ZNF713: variants seen among roughly 807,000 people sequenced by gnomAD.
ZNF713 encodes zinc finger protein 713.
In ZNF713, 21 loss-of-function variants were observed where a neutral mutation model predicts 28.7. The ratio of observed to expected loss-of-function variants is 0.73; its 90% CI spans 0.52 to 1.05. The LOEUF is 1.05. Among genes scored for constraint, ZNF713 ranks in the 50% least tolerant of loss-of-function variants. ZNF713 has a pLI of 0.00. For missense variants in ZNF713, 458 were observed against 532.4 expected (o/e 0.86, Z 1.37); for synonymous variants, 167 against 178.0 (o/e 0.94, Z 0.49).
At chr7:55,900,453 G>A (rs1231832344) in intron 1 of ZNF713, among the ~76,000 whole-genome samples, 1 of 149,950 alleles carries the variant, frequency 6.7e-6, no homozygotes, top group Non-Finnish European at 1.5e-5. Context: ...GGGCAACAGA[G>A]CGAGACTCCA....
chr7:55,889,381 G>A (rs752419923), intron 1 of ZNF713, among the ~76,000 whole-genome samples: 2 of 152,124 alleles, frequency 1.3e-5, no homozygotes, highest in Admixed American at 1.3e-4. Context: ...GATTACAGGC[G>A]TGAGCCACTG....
intron 4 of ZNF713, among the ~76,000 whole-genome samples, chr7:55,921,881 G>A (rs764431913): frequency 3.3e-5 from 5 of 152,152 alleles, no homozygotes; most frequent in Admixed American, 6.5e-5. Context: ...GAACTCTTCC[G>A]TAAAATGAAG....
chr7:55,896,543 T>C (rs549296312), intron 1 of ZNF713, among the ~76,000 whole-genome samples: 4 of 151,998 alleles, frequency 2.6e-5, no homozygotes, highest in African/African-American at 9.6e-5. Context: ...TGGTATTAGA[T>C]TGGAATCAGA....
chr7:55,918,916 C>T (rs928501303), intron 4 of ZNF713, among the ~76,000 whole-genome samples: 4 of 152,034 alleles, frequency 2.6e-5, no homozygotes, highest in Non-Finnish European at 5.9e-5. Flanking sequence ...ATCGCCTGAA[C>T]CCGGGAGGCG....
At chr7:55,913,887 A>T (rs949129216) in intron 4 of ZNF713, among the ~76,000 whole-genome samples, 14 of 152,114 alleles carry the variant, frequency 9.2e-5, no homozygotes, top group African/African-American at 2.9e-4. Context: ...TGAGGTGGGC[A>T]GATCACAAGG....
intron 1 of ZNF713, among the ~76,000 whole-genome samples, chr7:55,902,356 A>C (rs1347613982): frequency 6.6e-6 from 1 of 152,268 alleles, no homozygotes; most frequent in African/African-American, 2.4e-5. Flanking sequence ...ATTGGTAAGT[A>C]TACAAGAGCA....
chr7:55,901,855 A>G (rs568820968), intron 1 of ZNF713, among the ~76,000 whole-genome samples: 12 of 152,382 alleles, frequency 7.9e-5, no homozygotes, highest in African/African-American at 2.9e-4. Context: ...ATCACTTACT[A>G]ACATGACATG....
At chr7:55,913,311 C>T (rs1785821868) in intron 4 of ZNF713, among the ~76,000 whole-genome samples, 1 of 148,392 alleles carries the variant, frequency 6.7e-6, no homozygotes, top group Admixed American at 6.8e-5. Flanking sequence ...AAGTGATTCT[C>T]CTGCCTCAGC....
intron 1 of ZNF713, among the ~76,000 whole-genome samples, chr7:55,904,024 T>C (rs993168779): frequency 6.6e-6 from 1 of 150,766 alleles, no homozygotes; most frequent in Non-Finnish European, 1.5e-5. Context: ...GGAAAAAGAG[T>C]AGATCTTGGG....
chr7:55,939,758 A>G lies in ZNF713; in HGVS notation c.1084A>G (p.Arg362Gly), dbSNP rs1260517038. 6.2e-7 allele frequency: 1 copy of G among 1,614,114 alleles called. No individual in the cohort carries two copies. Among genetic ancestry groups the G allele is most frequent in the Non-Finnish European group, 8.5e-7 (1 of 1,180,044 alleles). Residue 362 changes from arginine to glycine, a missense_variant, in exon 7 of 7, where the codon AGA (arginine) becomes GGA (glycine). Physicochemically the swap from Arg to Gly is moderately radical, Grantham distance 125. Coordinates refer to ENST00000429591, the MANE Select transcript of ZNF713 (RefSeq NM_182633.3). ...SRITSLTEHHRLHTGEKPYEC... is the reference protein window; with the variant it reads ...SRITSLTEHHGLHTGEKPYEC... ...CATCACATCCCTTACTGAACATCAT[A>G]GACTTCATACCGGAGAGAAACCTTA...
intron 4 of ZNF713, among the ~76,000 whole-genome samples, chr7:55,920,172 C>G (rs1448391351): frequency 1.3e-5 from 2 of 152,112 alleles, no homozygotes; most frequent in Non-Finnish European, 2.9e-5. Context: ...TTTTGCCACT[C>G]ATGGATGAGC....
intron 4 of ZNF713, among the ~76,000 whole-genome samples, chr7:55,914,243 T>C (rs1785839271): frequency 6.6e-6 from 1 of 152,234 alleles, no homozygotes; most frequent in Admixed American, 6.5e-5. Flanking sequence ...TCTTTTTTGC[T>C]TAACACATCA....
chr7:55,901,264 G>C (rs984122718), intron 1 of ZNF713, among the ~76,000 whole-genome samples: 1 of 152,148 alleles, frequency 6.6e-6, no homozygotes, highest in African/African-American at 2.4e-5. Flanking sequence ...GAGAGAGAGA[G>C]AGAGAGCTTA....
rs1449553026 is a variant in ZNF713, at chr7:55,939,639, C to G, written c.965C>G (p.Ala322Gly). ...TTTATATGCAATGGATGTGGGAAAG[C>G]CTTCCGTCAGCATTCATCCTTTACT... Reference protein sequence around the residue: ...KPFICNGCGKAFRQHSSFTQH... With the variant: ...KPFICNGCGKGFRQHSSFTQH... The change falls in exon 7 of 7, where the codon GCC becomes GGC. Residue 322 changes from alanine to glycine, a missense_variant. Ala to Gly is a moderately conservative substitution (Grantham distance 60, BLOSUM62 0). Coordinates refer to ENST00000429591, the MANE Select transcript of ZNF713 (RefSeq NM_182633.3). 2.5e-6 allele frequency: 4 copies of G among 1,614,086 alleles called. No individual in the cohort carries two copies. The African/African-American group carries it at 5.3e-5, about 22-fold the overall frequency.
At chr7:55,936,064 A>G (rs1007108327) in intron 6 of ZNF713, among the ~76,000 whole-genome samples, 1 of 151,952 alleles carries the variant, frequency 6.6e-6, no homozygotes, top group Admixed American at 6.6e-5. Flanking sequence ...CAAGAGTTCA[A>G]GACCAACTTG....
chr7:55,892,555 C>CAAAAAAAAAAAAAAAAA (rs56338467), intron 1 of ZNF713, among the ~76,000 whole-genome samples: 14 of 74,352 alleles, frequency 1.9e-4, no homozygotes, highest in African/African-American at 2.3e-4. Context: ...AAGCACTGAC[C>CAAAAAAAAAAAAAAAAA]AAAAAAAAAA....
chr7:55,895,451 C>CTTT lies in ZNF713; in HGVS notation c.-583+7803_-583+7805dup, dbSNP rs55972416. 5.5e-4 allele frequency among the ~76,000 whole-genome samples: 45 copies of CTTT among 82,384 alleles called. 1 individual carries two copies. The highest frequency in any genetic ancestry group is 9.4e-4 in the Non-Finnish European group (36 of 38,470). 54.0% of individuals were successfully genotyped at this position (82,384 alleles called of 152,430 possible). A position where few individuals can be genotyped will look rare whatever the true frequency, so the allele number is the denominator to read the frequency against. On this transcript the variant is annotated intron_variant, in intron 1 of 6. Coordinates refer to ENST00000429591, the MANE Select transcript of ZNF713 (RefSeq NM_182633.3). Reference sequence around the variant, plus strand: ...ATATGCTGTTATATTCTGTTATACTCTTTTTTTTTTTTTTTTTTTTTTTTT... The same window carrying CTTT: ...ATATGCTGTTATATTCTGTTATACTCTTTTTTTTTTTTTTTTTTTTTTTTTTTT...
chr7:55,897,237 CTTTT>C (rs1417106029), intron 1 of ZNF713, among the ~76,000 whole-genome samples: 1 of 151,138 alleles, frequency 6.6e-6, no homozygotes, highest in African/African-American at 2.4e-5. Flanking sequence ...TGTACATAGT[CTTTT>C]TTCTTTCTTT....
intron 6 of ZNF713, among the ~76,000 whole-genome samples, chr7:55,932,381 AG>A (rs1786228427): frequency 1.3e-5 from 2 of 151,032 alleles, no homozygotes; most frequent in South Asian, 4.2e-4. Flanking sequence ...AAAAAAAGGC[AG>A]GGTATCGTGG....
Sources: gnomAD v4.1 joint callset for allele counts (sites outside exome capture counted in the v4.1 genomes callset) on GRCh38, gnomAD v4.1.1 for gene constraint, MANE v1.5 for transcripts, NCBI Gene and HGNC (gene_info 2026-07-23, HGNC 2026-07-21) for gene names.